Variants in SERPINB12 observed in about 807,000 individuals in gnomAD.
The protein encoded by SERPINB12 is serpin family B member 12.
SERPINB12 carries 57 observed loss-of-function variants against 41.1 expected under a neutral mutation model. That is an observed-to-expected ratio of 1.39 (90% CI 1.12 to 1.73). The LOEUF (loss-of-function observed/expected upper bound fraction) is 1.73, where lower values mean the gene tolerates loss of function less well. Ranked by LOEUF, SERPINB12 falls within the 40% of genes most tolerant of loss-of-function variation. The pLI, the probability that SERPINB12 is intolerant of heterozygous loss-of-function variation, is 0.00. For missense variants in SERPINB12, 536 were observed against 501.9 expected (o/e 1.07, Z -0.65); for synonymous variants, 180 against 181.3 (o/e 0.99, Z 0.06).
chr18:63,537,321 C>T, the SERPINB12 span, among the ~76,000 whole-genome samples: 1 of 152,240 alleles, frequency 6.6e-6, no homozygotes, highest in East Asian at 1.9e-4. Context: ...GTTCTTCTGA[C>T]CTGTGTGTTT....
chr18:63,566,468 T>G (rs1911100480), intron 7 of SERPINB12, 139 bp from the exon 8 acceptor site: 1 of 745,340 alleles, frequency 1.3e-6, no homozygotes, highest in Non-Finnish European at 2.2e-6. Context: ...TTAAATGAAA[T>G]CAGACTATTC....
the SERPINB12 span, among the ~76,000 whole-genome samples, chr18:63,525,072 T>C: frequency 1.3e-5 from 2 of 152,194 alleles, no homozygotes; most frequent in Non-Finnish European, 2.9e-5. Flanking sequence ...GAAAAGTTCT[T>C]TGGTTTTTAA....
the SERPINB12 span, among the ~76,000 whole-genome samples, chr18:63,528,452 C>G: frequency 6.6e-6 from 1 of 151,694 alleles, no homozygotes; most frequent in Non-Finnish European, 1.5e-5. Context: ...CAGGCCATGT[C>G]AGGGGTTTGG....
At chr18:63,558,258 T>C in intron 2 of SERPINB12, 94 bp from the exon 3 acceptor site, 1 of 1,325,322 alleles carries the variant, frequency 7.5e-7, no homozygotes, top group Non-Finnish European at 1.0e-6. Context: ...GACTATGTAA[T>C]CATTGCCATT....
chr18:63,537,884 A>G (rs780166120), upstream of SERPINB12, among the ~76,000 whole-genome samples: 1 of 152,240 alleles, frequency 6.6e-6, no homozygotes, highest in East Asian at 1.9e-4. Flanking sequence ...GCACATTTGG[A>G]TCAGTTGAGA....
At chr18:63,525,051 C>T in the SERPINB12 span, among the ~76,000 whole-genome samples, 1 of 152,248 alleles carries the variant, frequency 6.6e-6, no homozygotes, top group Non-Finnish European at 1.5e-5. Flanking sequence ...GCCTGGCCCC[C>T]TTCCCATTTT....
chr18:63,565,654 A>G (rs1246495139), intron 7 of SERPINB12, 42 bp downstream of exon 7: 2 of 1,545,616 alleles, frequency 1.3e-6, no homozygotes, highest in African/African-American at 1.4e-5. Flanking sequence ...ATTTAATGAT[A>G]GATCTTTAGA....
upstream of SERPINB12, among the ~76,000 whole-genome samples, chr18:63,541,213 C>T (rs141197913): frequency 5.9e-5 from 9 of 152,134 alleles, no homozygotes; most frequent in Admixed American, 1.3e-4. Flanking sequence ...GCATGCCACT[C>T]GTTCCCTCAG....
At chr18:63,529,488 C>G in the SERPINB12 span, among the ~76,000 whole-genome samples, 75 of 152,272 alleles carry the variant, frequency 4.9e-4, 1 homozygote, top group African/African-American at 1.7e-3. Context: ...GGGATTGGTA[C>G]AGGTGACTCC....
intron 5 of SERPINB12, 69 bp from the exon 6 acceptor site, chr18:63,563,909 A>G: frequency 9.0e-7 from 1 of 1,117,090 alleles, no homozygotes; most frequent in South Asian, 1.8e-5. Flanking sequence ...AAAAAAAAAA[A>G]AAAAATTATC....
intron 5 of SERPINB12, 96 bp downstream of exon 5, chr18:63,561,298 A>G (rs2144344699): frequency 1.4e-6 from 1 of 723,446 alleles, no homozygotes; most frequent in Non-Finnish European, 2.5e-6. Flanking sequence ...ACTGGGGGCC[A>G]GAGGTTCACA....
chr18:63,532,083 A>G, the SERPINB12 span, among the ~76,000 whole-genome samples: 1 of 152,230 alleles, frequency 6.6e-6, no homozygotes, highest in Non-Finnish European at 1.5e-5. Context: ...ATGGATTTCA[A>G]GACCACTTGG....
At chr18:63,528,567 A>G in the SERPINB12 span, among the ~76,000 whole-genome samples, 1 of 152,126 alleles carries the variant, frequency 6.6e-6, no homozygotes, top group African/African-American at 2.4e-5. Flanking sequence ...ATGTTCAGAA[A>G]TGAGGTAAGG....
At chr18:63,545,293 T>C (rs906535332) in intron 1 of SERPINB12, among the ~76,000 whole-genome samples, 1 of 152,220 alleles carries the variant, frequency 6.6e-6, no homozygotes, top group African/African-American at 2.4e-5. Context: ...CCTAGTGTAA[T>C]TCTCTGGCAC....
At chr18:63,565,345 T>C (rs919319627) in intron 6 of SERPINB12, 100 bp from the exon 7 acceptor site, 1 of 1,124,532 alleles carries the variant, frequency 8.9e-7, no homozygotes, top group Non-Finnish European at 1.3e-6. Context: ...CTGCAGAACC[T>C]TCTCATCTTT....
intron 5 of SERPINB12, 46 bp from the exon 6 acceptor site, chr18:63,563,932 T>G (rs763419442): frequency 6.5e-7 from 1 of 1,542,194 alleles, no homozygotes; most frequent in South Asian, 1.2e-5. Flanking sequence ...CACAAATGCT[T>G]TTGATACAAT....
the SERPINB12 span, among the ~76,000 whole-genome samples, chr18:63,533,756 G>A: frequency 7.2e-5 from 11 of 152,066 alleles, no homozygotes; most frequent in African/African-American, 2.2e-4. Flanking sequence ...AACTTTCATC[G>A]CCAAAGGAAT....
rs74729042 is a variant in SERPINB12, at chr18:63,555,631, C to T, written c.-18-511C>T. ...AGGATGGGCTCTAATTCAGTGACTG[C>T]TGTCTTTAAAAGAAGAGGGAAATTT... On this transcript the variant is annotated intron_variant, in intron 1 of 7. Transcript: ENST00000382768. 0.029 allele frequency among the ~76,000 whole-genome samples: 4,343 copies of T among 152,158 alleles called. 290 individuals carry two copies. The East Asian group carries it at 0.29, about 10-fold the overall frequency.
At chr18:63,561,763 T>C (rs1910919009) in intron 5 of SERPINB12, among the ~76,000 whole-genome samples, 1 of 152,194 alleles carries the variant, frequency 6.6e-6, no homozygotes, top group Non-Finnish European at 1.5e-5. Context: ...ATGGAGGCCA[T>C]AATCCTATGA....
Sources: allele counts gnomAD v4.1 joint callset (sites outside exome capture counted in the v4.1 genomes callset), GRCh38; gene constraint gnomAD v4.1.1; transcripts MANE v1.5; gene names NCBI Gene and HGNC (gene_info 2026-07-23, HGNC 2026-07-21).